RANBP2: variants seen among roughly 807,000 people sequenced by gnomAD.
RANBP2 encodes the protein RAN binding protein 2.
A neutral mutation model predicts 303.6 loss-of-function variants in RANBP2; 57 were observed. The observed-to-expected ratio is 0.19, with a 90% CI of 0.15 to 0.23. The LOEUF is 0.23. RANBP2 is among the 10% of genes least tolerant of loss of function. The pLI is 1.00. For synonymous variants in RANBP2, 1,167 were observed against 1,301.5 expected (o/e 0.90, Z 2.23); for missense variants, 3,138 against 3,780.8 (o/e 0.83, Z 4.46).
chr2:109,080,715 A>G, the RANBP2 span, among the ~76,000 whole-genome samples: 2 of 152,206 alleles, frequency 1.3e-5, no homozygotes, highest in African/African-American at 2.4e-5. Flanking sequence ...AGCCATGTTA[A>G]CACTGGAGAA....
chr2:109,449,520 C>A, the RANBP2 span: 8 of 1,604,688 alleles, frequency 5.0e-6, no homozygotes, highest in Non-Finnish European at 6.8e-6. Context: ...GAGCCCTGGG[C>A]TCGAGGCCAG....
At chr2:108,809,597 A>G in the RANBP2 span, among the ~76,000 whole-genome samples, 1 of 152,070 alleles carries the variant, frequency 6.6e-6, no homozygotes, top group Admixed American at 6.6e-5. Context: ...AGCCATTGTA[A>G]ACAGGATAGA....
At chr2:109,419,763 G>A in the RANBP2 span, 1 of 867,310 alleles carries the variant, frequency 1.2e-6, no homozygotes, top group African/African-American at 1.7e-5. Flanking sequence ...GGCCAGTATA[G>A]TTATGTGCGT....
At chr2:109,648,142 T>C in the RANBP2 span, among the ~76,000 whole-genome samples, 6 of 152,260 alleles carry the variant, frequency 3.9e-5, no homozygotes, top group East Asian at 1.2e-3. Context: ...GCAGAAGGGA[T>C]AGTGACCGCT....
chr2:108,916,415 C>G, the RANBP2 span, among the ~76,000 whole-genome samples: 6 of 152,138 alleles, frequency 3.9e-5, no homozygotes, highest in Non-Finnish European at 7.3e-5. Context: ...CTAGAGAGCA[C>G]ACAGACTTGT....
chr2:108,763,779 C>G lies in RANBP2; in HGVS notation c.3240C>G (p.Gly1080=). The G allele has an allele frequency of 6.2e-7, 1 of 1,614,078 alleles. No homozygotes were observed. The highest frequency in any genetic ancestry group is 8.5e-7 in the Non-Finnish European group (1 of 1,179,992). Residue 1080 remains glycine (G), a synonymous_variant, in exon 20 of 29, where the codon GGC becomes GGG. Coordinates refer to ENST00000283195, the MANE Select transcript of RANBP2 (RefSeq NM_006267.5). ...CAGATAAACCCTTGCAAGGAGATGG[C>G]TATAGTGGAGCCAAACCAATTCCTG... ...LTSDKPLQGD[G]YSGAKPIPGG...
the RANBP2 span, among the ~76,000 whole-genome samples, chr2:109,493,750 C>T: frequency 2.0e-5 from 3 of 151,988 alleles, no homozygotes; most frequent in Non-Finnish European, 2.9e-5. Context: ...CAGACACACA[C>T]ACTGCACACC....
the RANBP2 span, among the ~76,000 whole-genome samples, chr2:109,431,212 T>A: frequency 6.6e-6 from 1 of 152,212 alleles, no homozygotes; most frequent in Non-Finnish European, 1.5e-5. Context: ...AGATGCACTG[T>A]GTGCACAAGC....
At chr2:108,835,861 C>T in the RANBP2 span, among the ~76,000 whole-genome samples, 7 of 152,194 alleles carry the variant, frequency 4.6e-5, no homozygotes, top group African/African-American at 1.7e-4. Context: ...GTCCTGGCAG[C>T]TGGATGTCCA....
At chr2:108,832,935 AG>A in the RANBP2 span, among the ~76,000 whole-genome samples, 1 of 152,208 alleles carries the variant, frequency 6.6e-6, no homozygotes, top group Non-Finnish European at 1.5e-5. Context: ...AGAGGGAGAC[AG>A]GAAATGGTTT....
the RANBP2 span, among the ~76,000 whole-genome samples, chr2:109,581,323 G>C: frequency 1.3e-5 from 2 of 152,116 alleles, no homozygotes; most frequent in Admixed American, 1.3e-4. Flanking sequence ...TGTAATCCCA[G>C]CTGTTTGGGA....
At chr2:109,446,631 G>C in the RANBP2 span, among the ~76,000 whole-genome samples, 1 of 152,148 alleles carries the variant, frequency 6.6e-6, no homozygotes, top group Non-Finnish European at 1.5e-5. Flanking sequence ...GGGAGGTGAG[G>C]TCTATGGGCA....
At chr2:108,981,937 T>C in the RANBP2 span, among the ~76,000 whole-genome samples, 1 of 152,230 alleles carries the variant, frequency 6.6e-6, no homozygotes. Context: ...TTCTTCAACA[T>C]TTATTGAATA....
the RANBP2 span, among the ~76,000 whole-genome samples, chr2:109,203,664 C>T: frequency 6.6e-6 from 1 of 152,102 alleles, no homozygotes; most frequent in Non-Finnish European, 1.5e-5. Context: ...AGTGTCCTGG[C>T]CCTGTGTCTC....
chr2:109,080,964 A>G, the RANBP2 span, among the ~76,000 whole-genome samples: 33,776 of 152,176 alleles, frequency 0.22, 4,379 homozygotes, highest in Middle Eastern at 0.32. Context: ...TGCCACTGAC[A>G]CAACATTCAA....
intron 9 of RANBP2, among the ~76,000 whole-genome samples, chr2:108,749,523 C>T (rs1675680506): frequency 6.6e-6 from 1 of 151,966 alleles, no homozygotes; most frequent in Admixed American, 6.6e-5. Flanking sequence ...GTCTCAAACT[C>T]CTGACCTCAG....
the RANBP2 span, among the ~76,000 whole-genome samples, chr2:109,664,032 T>C: frequency 6.6e-6 from 1 of 152,182 alleles, no homozygotes; most frequent in Non-Finnish European, 1.5e-5. Flanking sequence ...TCTCTTCTTC[T>C]GGGATACTTC....
the RANBP2 span, among the ~76,000 whole-genome samples, chr2:108,979,422 G>GCC: frequency 2.3e-5 from 1 of 43,136 alleles, no homozygotes; most frequent in Non-Finnish European, 1.1e-4. Flanking sequence ...TTTGGTTGCT[G>GCC]TCTCTCTCTC....
chr2:109,603,047 G>A, the RANBP2 span, among the ~76,000 whole-genome samples: 1 of 151,460 alleles, frequency 6.6e-6, no homozygotes, highest in African/African-American at 2.4e-5. Context: ...CTCCAGCCTG[G>A]GCAACAGAGC....
Sources: allele counts gnomAD v4.1 joint callset (sites outside exome capture counted in the v4.1 genomes callset), GRCh38; gene constraint gnomAD v4.1.1; transcripts MANE v1.5; gene names NCBI Gene and HGNC (gene_info 2026-07-23, HGNC 2026-07-21).